Variants in HNF4G observed in about 807,000 individuals in gnomAD.
HNF4G encodes hepatocyte nuclear factor 4 gamma, also known as hepatocyte nuclear factor 4-gamma.
Under a neutral mutation model 50.9 loss-of-function variants are expected in HNF4G, and 21 were observed. That is an observed-to-expected ratio of 0.41 (90% confidence interval 0.29 to 0.59). The LOEUF is 0.59. HNF4G is among the 20% of genes least tolerant of loss of function. HNF4G has a pLI of 0.26. For synonymous variants in HNF4G, 198 were observed against 185.6 expected (o/e 1.07, Z -0.54); for missense variants, 527 against 559.4 (o/e 0.94, Z 0.58).
chr8:75,563,889 T>A, intron 9 of HNF4G, 86 bp from the exon 10 acceptor site: 3 of 1,409,760 alleles, frequency 2.1e-6, no homozygotes, highest in Non-Finnish European at 2.9e-6. Context: ...CAAATTACGC[T>A]AATGTGTATT....
At chr8:75,427,876 G>A (rs1231989192) in intron 1 of HNF4G, among the ~76,000 whole-genome samples, 6 of 152,056 alleles carry the variant, frequency 3.9e-5, no homozygotes, top group African/African-American at 1.2e-4. Flanking sequence ...GGTTTGTGTA[G>A]CATTATTTAA....
In HNF4G at chr8:75,414,175, C is replaced by G. The variant is rs550340335; in HGVS notation, c.-144+6013C>G. On this transcript the variant is annotated intron_variant, in intron 1 of 10. Transcript: ENST00000354370. ...CCCTGTGCCTTTTTGTAATTTTTCC[C>G]TCCACTACACCCCAGGCAACCACCG... 2.6e-5 allele frequency among the ~76,000 whole-genome samples: 4 copies of G among 152,210 alleles called. No individual in the cohort carries two copies. The South Asian group carries it at 8.3e-4, about 32-fold the overall frequency.
In HNF4G at chr8:75,561,118, A is replaced by G. The variant is rs117484685; in HGVS notation, c.1246+652A>G. Among the ~76,000 whole-genome samples the G allele has an allele frequency of 3.9e-3, 594 of 152,276 alleles. 4 individuals carry two copies. The highest frequency in any genetic ancestry group is 6.2e-3 in the Non-Finnish European group (422 of 68,016). On this transcript the variant is annotated intron_variant, in intron 9 of 9. Transcript: ENST00000396423. ...CGTTGGGAAGTTTGGATCAGCTTTC[A>G]ACATTTTATCCCTTGCATTCTCAAT...
intron 1 of HNF4G, among the ~76,000 whole-genome samples, chr8:75,451,297 C>T (rs937605895): frequency 1.3e-5 from 2 of 151,994 alleles, no homozygotes; most frequent in South Asian, 4.1e-4. Flanking sequence ...TGTCCCTTTA[C>T]TCTGTTGATT....
intron 1 of HNF4G, among the ~76,000 whole-genome samples, chr8:75,459,008 G>C (rs964144086): frequency 3.3e-5 from 5 of 151,988 alleles, no homozygotes; most frequent in Admixed American, 2.6e-4. Flanking sequence ...ATTCAAACTA[G>C]AATATGAAAT....
chr8:75,414,350 T>TG (rs1040445612), intron 1 of HNF4G, among the ~76,000 whole-genome samples: 1 of 151,862 alleles, frequency 6.6e-6, no homozygotes, highest in Non-Finnish European at 1.5e-5. Context: ...TTTATTCCTT[T>TG]GGGGGAGAAA....
intron 1 of HNF4G, among the ~76,000 whole-genome samples, chr8:75,425,601 TA>T (rs1219495178): frequency 6.7e-6 from 1 of 148,188 alleles, no homozygotes; most frequent in Non-Finnish European, 1.5e-5. Flanking sequence ...ATATATTATA[TA>T]TTTTTTATAT....
chr8:75,537,089 G>T (rs1323126659), upstream of HNF4G, among the ~76,000 whole-genome samples: 1 of 151,958 alleles, frequency 6.6e-6, no homozygotes, highest in African/African-American at 2.4e-5. Context: ...TTCAGGGTAG[G>T]CACATCTTAC....
At chr8:75,563,290 A>T (rs1489886702) in intron 9 of HNF4G, among the ~76,000 whole-genome samples, 1 of 152,172 alleles carries the variant, frequency 6.6e-6, no homozygotes, top group East Asian at 1.9e-4. Flanking sequence ...ATTCTAGACA[A>T]TGAAGTTTTG....
At chr8:75,558,297 C>T (rs183257526) in intron 6 of HNF4G, among the ~76,000 whole-genome samples, 20 of 152,188 alleles carry the variant, frequency 1.3e-4, no homozygotes, top group Admixed American at 1.3e-3. Flanking sequence ...TGACTGATCC[C>T]GTTAAAATGC....
intron 1 of HNF4G, 32 bp from the exon 2 acceptor site, chr8:75,543,779 C>A: frequency 1.3e-6 from 2 of 1,576,508 alleles, no homozygotes; most frequent in Non-Finnish European, 1.7e-6. Context: ...ATAGTACTAA[C>A]TCTAACTGTA....
rs61003427 is a variant in HNF4G at position 75,556,074 on chromosome 8, GTTT to G, written c.733+15_733+17del. ...ATAAAGATATTTTGCTTTTGGGTAA[GTTT>G]TTTTTTTTTAATTTAAGAAGAAATT... On this transcript the variant is annotated splice_donor_region_variant and intron_variant, in intron 6 of 9. Coordinates refer to ENST00000396423, the MANE Select transcript of HNF4G (RefSeq NM_004133.5). The G allele has an allele frequency of 2.0e-3, 2,545 of 1,254,442 alleles. 21 individuals carry two copies. The highest frequency in any genetic ancestry group is 0.016 in the African/African-American group (1,042 of 63,474). 77.7% of individuals were successfully genotyped at this position (1,254,442 alleles called of 1,614,324 possible).
intron 1 of HNF4G, among the ~76,000 whole-genome samples, chr8:75,409,146 C>T (rs1465535655): frequency 1.3e-5 from 2 of 152,118 alleles, no homozygotes; most frequent in Non-Finnish European, 2.9e-5. Context: ...CCTGGTATCA[C>T]TTGAAGGTGT....
intron 1 of HNF4G, among the ~76,000 whole-genome samples, chr8:75,450,165 T>C (rs866425647): frequency 6.6e-6 from 1 of 152,184 alleles, no homozygotes; most frequent in East Asian, 1.9e-4. Context: ...GGTTCACCCA[T>C]GTTGTTGGAA....
At chr8:75,499,523 C>T (rs942736376) in intron 2 of HNF4G, among the ~76,000 whole-genome samples, 1 of 151,742 alleles carries the variant, frequency 6.6e-6, no homozygotes, top group Non-Finnish European at 1.5e-5. Context: ...CAGACCTTGA[C>T]AAGCTGATAA....
chr8:75,550,597 T>G (rs1433509713), intron 3 of HNF4G, among the ~76,000 whole-genome samples: 2 of 152,144 alleles, frequency 1.3e-5, no homozygotes, highest in Admixed American at 1.3e-4. Context: ...TGGCCTGATT[T>G]TATTCTCTCT....
intron 1 of HNF4G, among the ~76,000 whole-genome samples, chr8:75,411,171 G>A (rs915930225): frequency 4.6e-5 from 7 of 152,202 alleles, no homozygotes; most frequent in African/African-American, 7.2e-5. Context: ...GCTCTAGGTC[G>A]TGAACGTAAC....
At chr8:75,425,886 CCTTT>C (rs1226010802) in intron 1 of HNF4G, among the ~76,000 whole-genome samples, 2 of 151,986 alleles carry the variant, frequency 1.3e-5, no homozygotes, top group Non-Finnish European at 2.9e-5. Context: ...ACTTGACACT[CCTTT>C]CTGACGGGTA....
intron 1 of HNF4G, among the ~76,000 whole-genome samples, chr8:75,447,392 A>G (rs1435647742): frequency 1.6e-5 from 2 of 128,006 alleles, no homozygotes; most frequent in African/African-American, 3.1e-5. Context: ...CATGTCCAAA[A>G]CACCAAAAGC....
Sources: allele counts gnomAD v4.1 joint callset (sites outside exome capture counted in the v4.1 genomes callset), GRCh38; gene constraint gnomAD v4.1.1; transcripts MANE v1.5; gene names NCBI Gene and HGNC (gene_info 2026-07-23, HGNC 2026-07-21).